PCDHGA1: variants seen among roughly 807,000 people sequenced by gnomAD.
The protein encoded by PCDHGA1 is protocadherin gamma subfamily A, 1.
In PCDHGA1, 32 loss-of-function variants were observed where a neutral mutation model predicts 58.0. The observed-to-expected ratio is 0.55, with a 90% CI of 0.42 to 0.74. PCDHGA1 has a LOEUF of 0.74. Ranked by LOEUF, PCDHGA1 falls within the 30% of genes least tolerant of loss-of-function variation. The pLI is 0.00. For missense variants in PCDHGA1, 1,205 were observed against 1,182.3 expected (o/e 1.02, Z -0.28); for synonymous variants, 498 against 501.1 (o/e 0.99, Z 0.08).
intron 1 of PCDHGA1, among the ~76,000 whole-genome samples, chr5:141,379,797 G>C (rs1775829191): frequency 6.6e-6 from 1 of 150,836 alleles, no homozygotes; most frequent in African/African-American, 2.4e-5. Flanking sequence ...GGCTATCTGA[G>C]GTTTTGAGAG....
At chr5:141,376,549 TC>T in intron 1 of PCDHGA1, 1 of 1,612,110 alleles carries the variant, frequency 6.2e-7, no homozygotes, top group South Asian at 1.1e-5. Context: ...AATCTGATCT[TC>T]CCGCAACCCA....
Position 141,431,535 on chromosome 5 carries a change from C to T in PCDHGA1, c.2422-63272C>T. On this transcript the variant is annotated intron_variant, in intron 1 of 3. Coordinates refer to ENST00000517417, the MANE Select transcript of PCDHGA1 (RefSeq NM_018912.3). This position sits in a 1 kb window ranked among gnomAD's most constrained non-coding sequence, Gnocchi z 4.8. ...GTTCCGGAGAATCTGGCCTTGGGCA[C>T]GCAGCTGCTTGTAGTCAACGCTACC... is the stretch of plus-strand genomic sequence containing the variant. 3 of 1,614,076 alleles carry T rather than the reference C, an allele frequency of 1.9e-6. No individual in the cohort carries two copies. Among genetic ancestry groups the T allele is most frequent in the Non-Finnish European group, 2.5e-6 (3 of 1,180,038 alleles).
At chr5:141,417,718 G>T in intron 1 of PCDHGA1, 1 of 1,304,720 alleles carries the variant, frequency 7.7e-7, no homozygotes. Context: ...GCTCCCGGCT[G>T]CGCAGACCTT....
At chr5:141,462,540 TTTC>T (rs2099042260) in intron 1 of PCDHGA1, among the ~76,000 whole-genome samples, 1 of 152,204 alleles carries the variant, frequency 6.6e-6, no homozygotes, top group East Asian at 1.9e-4. Flanking sequence ...TCAGTGATCT[TTTC>T]TTCTTCAGTG....
rs767197233 is a variant in PCDHGA1, at chr5:141,418,642, C to T, written c.2422-76165C>T. On this transcript the variant is annotated intron_variant, in intron 1 of 3. Coordinates refer to ENST00000517417, the MANE Select transcript of PCDHGA1 (RefSeq NM_018912.3). ...AAGACGTGCCTCCAGGCACCTCCAT[C>T]CTGAGAGTGAAGGCCACTGACCAGG... The T allele has an allele frequency of 2.3e-5, 37 of 1,614,028 alleles. No individual in the cohort carries two copies. In the South Asian group the frequency reaches 3.6e-4, roughly 16 times the overall value.
At chr5:141,337,569 A>G (rs1319115927) in intron 1 of PCDHGA1, among the ~76,000 whole-genome samples, 1 of 152,252 alleles carries the variant, frequency 6.6e-6, no homozygotes, top group Admixed American at 6.5e-5. Flanking sequence ...TTCCTAGATT[A>G]GTCAAATTCA....
At chr5:141,428,187 C>G in intron 1 of PCDHGA1, 3 of 1,439,502 alleles carry the variant, frequency 2.1e-6, no homozygotes, top group South Asian at 1.2e-5. Flanking sequence ...GGACAGCCGC[C>G]GCTCTCTGCG....
chr5:141,483,606 C>T (rs1460635551), intron 1 of PCDHGA1, among the ~76,000 whole-genome samples: 1 of 151,984 alleles, frequency 6.6e-6, no homozygotes, highest in Non-Finnish European at 1.5e-5. Flanking sequence ...CTGGTTTACA[C>T]CTCCATCATT....
chr5:141,364,955 G>T (rs267600453), intron 1 of PCDHGA1: 1 of 1,613,906 alleles, frequency 6.2e-7, no homozygotes, highest in East Asian at 2.2e-5. Context: ...GACTGTTCAC[G>T]ACCTCCTCCT....
Position 141,352,027 on chromosome 5 carries a change from G to A in PCDHGA1, c.2421+18922G>A, listed in dbSNP as rs764316289. Reference sequence around the variant, plus strand: ...GCTACCTGGTGACCAAGGTGGTGGCGGTGGACGCAGACTCAGGACACAACG... The same window carrying A: ...GCTACCTGGTGACCAAGGTGGTGGCAGTGGACGCAGACTCAGGACACAACG... On this transcript the variant is annotated intron_variant, in intron 1 of 3. Transcript: ENST00000517417. 8 of 1,609,132 alleles carry A rather than the reference G, an allele frequency of 5.0e-6. No individual in the cohort carries two copies. The South Asian group carries it at 8.8e-5, about 18-fold the overall frequency.
chr5:141,430,617 C>G, intron 1 of PCDHGA1: 1 of 715,450 alleles, frequency 1.4e-6, no homozygotes, highest in South Asian at 3.9e-5. Context: ...AAGCAGATAG[C>G]TAGGAATGAA....
chr5:141,441,700 T>TCAAG (rs1409793305), intron 1 of PCDHGA1: 1 of 308,660 alleles, frequency 3.2e-6, no homozygotes, highest in African/African-American at 2.3e-5. Context: ...CCGCGAGCCT[T>TCAAG]CAAGCTCACG....
chr5:141,491,662 A>C lies in PCDHGA1; in HGVS notation c.2422-3145A>C. 2 of 1,613,770 alleles carry C rather than the reference A, an allele frequency of 1.2e-6. No homozygotes were observed. The highest frequency in any genetic ancestry group is 1.7e-6 in the Non-Finnish European group (2 of 1,180,018). ...AGCTCTGGCGCTGGAGCCTGACGCC[A>C]TCCGGTCCCGCTCTAATACGCTGCG... On this transcript the variant is annotated intron_variant, in intron 1 of 3. Coordinates refer to ENST00000517417, the MANE Select transcript of PCDHGA1 (RefSeq NM_018912.3). This position sits in a 1 kb window ranked among gnomAD's most constrained non-coding sequence, Gnocchi z 6.9.
At chr5:141,393,889 A>T (rs771844364) in intron 1 of PCDHGA1, 3 of 1,613,998 alleles carry the variant, frequency 1.9e-6, no homozygotes, top group Admixed American at 3.3e-5. Flanking sequence ...GTGTTAGAAA[A>T]TTCTCTTCCC....
At chr5:141,501,305 A>G (rs2099807563) in intron 2 of PCDHGA1, among the ~76,000 whole-genome samples, 1 of 151,322 alleles carries the variant, frequency 6.6e-6, no homozygotes, top group African/African-American at 2.4e-5. Flanking sequence ...ACACACACAC[A>G]CACACACACA....
chr5:141,456,536 G>A (rs1231730255), intron 1 of PCDHGA1, among the ~76,000 whole-genome samples: 1 of 152,158 alleles, frequency 6.6e-6, no homozygotes, highest in Non-Finnish European at 1.5e-5. Flanking sequence ...AATTAAAGAG[G>A]GATTGTAGCC....
At chr5:141,461,830 CTT>C (rs1030113508) in intron 1 of PCDHGA1, among the ~76,000 whole-genome samples, 1 of 145,180 alleles carries the variant, frequency 6.9e-6, no homozygotes, top group Non-Finnish European at 1.5e-5. Context: ...ATTTTTTTTT[CTT>C]TTTTTTTTGA....
chr5:141,418,807 G>A (rs1400599346), intron 1 of PCDHGA1: 2 of 1,613,650 alleles, frequency 1.2e-6, no homozygotes, highest in African/African-American at 1.3e-5. Context: ...AAAGATATAC[G>A]ATAAACATAG....
rs563642216 is a variant in PCDHGA1, at chr5:141,376,735, G to A, written c.2421+43630G>A. The A allele has an allele frequency of 1.9e-5, 10 of 521,610 alleles. 1 individual carries two copies. The South Asian group carries it at 2.3e-4, about 12-fold the overall frequency. 32.3% of individuals were successfully genotyped at this position (521,610 alleles called of 1,614,324 possible). ...CGCTCTGTCGCCCAGGCCGGACTGC[G>A]GACTGCAGTGGCGCAATCTCGGCTC... On this transcript the variant is annotated intron_variant, in intron 1 of 3. Coordinates refer to ENST00000517417, the MANE Select transcript of PCDHGA1 (RefSeq NM_018912.3).
Sources: gnomAD v4.1 joint callset for allele counts (sites outside exome capture counted in the v4.1 genomes callset) on GRCh38, gnomAD v4.1.1 for gene constraint, Gnocchi (gnomAD v3.1) non-coding constraint, MANE v1.5 for transcripts, NCBI Gene and HGNC (gene_info 2026-07-23, HGNC 2026-07-21) for gene names.